Variants in SESTD1 observed in about 807,000 individuals in gnomAD.
SESTD1 encodes the protein SEC14 domain and spectrin repeat-containing protein 1.
SESTD1 carries 43 observed loss-of-function variants against 101.7 expected under a neutral mutation model. The ratio of observed to expected loss-of-function variants is 0.42; its 90% CI spans 0.33 to 0.55. The LOEUF is 0.55. SESTD1 is among the 20% of genes least tolerant of loss of function. The pLI, the probability that SESTD1 is intolerant of heterozygous loss-of-function variation, is 0.07. For missense variants in SESTD1, 647 were observed against 815.1 expected (o/e 0.79, Z 2.51); for synonymous variants, 283 against 286.8 (o/e 0.99, Z 0.13).
Position 179,191,822 on chromosome 2 carries a change from A to G in SESTD1, c.20T>C (p.Leu7Ser), listed in dbSNP as rs1171284586. 7 of 1,612,744 alleles carry G rather than the reference A, an allele frequency of 4.3e-6. No individual in the cohort carries two copies. In the East Asian group the frequency reaches 1.3e-4, roughly 31 times the overall value. Residue 7 changes from leucine to serine, a missense_variant, in exon 2 of 18, where the codon TTA (leucine) becomes TCA (serine). Physicochemically the swap from Leu to Ser is moderately radical, Grantham distance 145. This residue lies in a region of SESTD1 where 168 missense variants were observed against 235.1 expected (regional missense o/e 0.71). Coordinates refer to ENST00000428443, the MANE Select transcript of SESTD1 (RefSeq NM_178123.5). ...GGCTAGTTTTTTCTTCAGAATGGGTAATATTACTGAGGCCTCCATTTTACT... is the reference window on the plus strand; with the variant it reads ...GGCTAGTTTTTTCTTCAGAATGGGTGATATTACTGAGGCCTCCATTTTACT... Reference protein sequence around the residue: MEASVILPILKKKLAFL... With the variant: MEASVISPILKKKLAFL...
At chr2:179,196,518 CA>C (rs945953126) in intron 1 of SESTD1, among the ~76,000 whole-genome samples, 6 of 152,214 alleles carry the variant, frequency 3.9e-5, no homozygotes, top group Admixed American at 1.3e-4. Context: ...CACAGACAAA[CA>C]AAAAGACAGC....
At chr2:179,185,648 C>A (rs1460709394) in intron 2 of SESTD1, among the ~76,000 whole-genome samples, 2 of 75,602 alleles carry the variant, frequency 2.6e-5, no homozygotes, top group Admixed American at 3.7e-4. Flanking sequence ...ATATTATATA[C>A]AATATAGCAT....
chr2:179,237,087 A>G (rs1553531289), intron 1 of SESTD1, among the ~76,000 whole-genome samples: 1 of 152,146 alleles, frequency 6.6e-6, no homozygotes, highest in Non-Finnish European at 1.5e-5. Context: ...CAAATGTTGC[A>G]CTTGCCCTCC....
Position 179,216,598 on chromosome 2 carries a change from C to A in SESTD1, c.-25-24732G>T, listed in dbSNP as rs1340000369. 8.9e-5 allele frequency among the ~76,000 whole-genome samples: 12 copies of A among 135,210 alleles called. 2 individuals are homozygous for A. Among genetic ancestry groups the A allele is most frequent in the African/African-American group, 1.5e-4 (5 of 34,088 alleles). The allele number at this position is 135,210 out of a possible 152,430, so 88.7% of individuals were successfully genotyped here. On this transcript the variant is annotated intron_variant, in intron 1 of 17. Transcript: ENST00000428443. ...TTCAATGCCATCCCCATCAAGCTAC[C>A]AATGACTTTCTTCACAGAATTGGAA...
intron 11 of SESTD1, 126 bp from the exon 12 acceptor site, chr2:179,123,955 G>C: frequency 1.5e-6 from 1 of 658,190 alleles, no homozygotes; most frequent in Non-Finnish European, 2.6e-6. Context: ...ACTGTTACAA[G>C]ACAAGGACGA....
intron 17 of SESTD1, among the ~76,000 whole-genome samples, chr2:179,110,697 A>T (rs920716998): frequency 1.3e-5 from 2 of 152,162 alleles, no homozygotes; most frequent in Non-Finnish European, 2.9e-5. Flanking sequence ...CTTTTATTTT[A>T]CCAGGAGAAG....
intron 10 of SESTD1, 66 bp downstream of exon 10, chr2:179,132,238 C>T: frequency 6.8e-7 from 1 of 1,478,514 alleles, no homozygotes; most frequent in Non-Finnish European, 8.9e-7. Context: ...CACTCAGTAC[C>T]ACATATGCTA....
intron 9 of SESTD1, among the ~76,000 whole-genome samples, chr2:179,135,865 C>A (rs1029050927): frequency 1.8e-4 from 28 of 152,188 alleles, no homozygotes; most frequent in African/African-American, 6.8e-4. Context: ...ATTGGCTAAA[C>A]ACTGTTTACA....
At chr2:179,152,476 A>T (rs1271299980) in intron 5 of SESTD1, among the ~76,000 whole-genome samples, 1 of 152,238 alleles carries the variant, frequency 6.6e-6, no homozygotes, top group Non-Finnish European at 1.5e-5. Flanking sequence ...CACATAAATT[A>T]TACCTCATAA....
intron 1 of SESTD1, among the ~76,000 whole-genome samples, chr2:179,211,864 T>G (rs1553526912): frequency 1.6e-5 from 2 of 124,568 alleles, no homozygotes; most frequent in Non-Finnish European, 1.7e-5. Context: ...GGGGGAAGGG[T>G]GGGAGGGGGA....
intron 16 of SESTD1, among the ~76,000 whole-genome samples, 183 bp from the exon 17 acceptor site, chr2:179,113,028 A>G (rs1037175157): frequency 6.6e-6 from 1 of 152,218 alleles, no homozygotes; most frequent in African/African-American, 2.4e-5. Flanking sequence ...ATACCACTAT[A>G]TAAGATTGAT....
intron 9 of SESTD1, among the ~76,000 whole-genome samples, chr2:179,142,180 G>GTAC (rs1218710834): frequency 3.3e-5 from 5 of 152,318 alleles, no homozygotes; most frequent in African/African-American, 9.6e-5. Context: ...ATCTGCTCTT[G>GTAC]TACTATAATG....
intron 13 of SESTD1, among the ~76,000 whole-genome samples, chr2:179,120,533 C>T (rs1010896373): frequency 2.0e-5 from 3 of 152,224 alleles, no homozygotes; most frequent in Admixed American, 6.5e-5. Flanking sequence ...GTGACAAAAA[C>T]CAAGAAGAAA....
At chr2:179,147,239 C>G (rs1013707726) in intron 7 of SESTD1, among the ~76,000 whole-genome samples, 2 of 151,658 alleles carry the variant, frequency 1.3e-5, no homozygotes, top group African/African-American at 4.8e-5. Context: ...GGAAACTAAG[C>G]AATAACACGT....
At position 179,208,511 on chromosome 2, in the gene SESTD1, T is replaced by C. The variant is rs1243420266; in HGVS notation, c.-25-16645A>G. On this transcript the variant is annotated intron_variant, in intron 1 of 17. Transcript: ENST00000428443. Reference sequence around the variant, plus strand: ...ACCTATAAAGGAAAACCTATCAGATTAACAGCAGATTTCTCAGCAGAAACC... The same window carrying C: ...ACCTATAAAGGAAAACCTATCAGATCAACAGCAGATTTCTCAGCAGAAACC... Among the ~76,000 whole-genome samples the C allele has an allele frequency of 1.5e-5, 2 of 134,782 alleles. 1 individual carries two copies. The highest frequency in any genetic ancestry group is 3.2e-5 in the Non-Finnish European group (2 of 62,598). The allele number at this position is 134,782 out of a possible 152,430, so 88.4% of individuals were successfully genotyped here. A position where few individuals can be genotyped will look rare whatever the true frequency, so the allele number is the denominator to read the frequency against.
intron 2 of SESTD1, among the ~76,000 whole-genome samples, chr2:179,185,818 GTATATTA>G (rs1428496609): frequency 7.9e-6 from 1 of 127,106 alleles, no homozygotes; most frequent in East Asian, 2.2e-4. Context: ...ATACAATATA[GTATATTA>G]TATATAATAT....
At chr2:179,258,940 C>A (rs1484603975) in intron 1 of SESTD1, among the ~76,000 whole-genome samples, 5 of 152,232 alleles carry the variant, frequency 3.3e-5, no homozygotes, top group African/African-American at 1.2e-4. Context: ...TCATCCAACA[C>A]TGGCTTAGTT....
In SESTD1 at chr2:179,108,677, T is replaced by C. The variant is rs977441821; in HGVS notation, c.*1222A>G. 3.3e-5 allele frequency: 5 copies of C among 152,106 alleles called. No homozygotes were observed. The highest frequency in any genetic ancestry group is 4.1e-4 in the South Asian group (2 of 4,820). 9.4% of individuals were successfully genotyped at this position (152,106 alleles called of 1,614,324 possible). On this transcript the variant is annotated 3_prime_UTR_variant, in exon 18 of 18. Coordinates refer to ENST00000428443, the MANE Select transcript of SESTD1 (RefSeq NM_178123.5). ...ACCAGTATACAACTCGTTTATAATT[T>C]TGTAATGACTACAAGACTAAAAAAT... is the stretch of plus-strand genomic sequence containing the variant.
intron 1 of SESTD1, among the ~76,000 whole-genome samples, chr2:179,233,217 A>G (rs989321311): frequency 1.3e-5 from 2 of 152,222 alleles, no homozygotes; most frequent in Non-Finnish European, 2.9e-5. Context: ...AGAGAACCGT[A>G]AGTAAACACT....
Sources: gnomAD v4.1 joint callset for allele counts (sites outside exome capture counted in the v4.1 genomes callset) on GRCh38, gnomAD v4.1.1 for gene constraint, gnomAD v4.1.1 regional missense constraint, MANE v1.5 for transcripts, NCBI Gene and HGNC (gene_info 2026-07-23, HGNC 2026-07-21) for gene names.